The following AMHR2 variants were observed in gnomAD, a reference collection of about 807,000 sequenced individuals.
AMHR2 encodes anti-Muellerian hormone type-2 receptor.
In AMHR2, 36 loss-of-function variants were observed where a neutral mutation model predicts 61.4. The ratio of observed to expected loss-of-function variants is 0.59; its 90% CI spans 0.45 to 0.77. The LOEUF (loss-of-function observed/expected upper bound fraction) is 0.77. Among genes scored for constraint, AMHR2 ranks in the 30% least tolerant of loss-of-function variants. AMHR2 has a pLI of 0.00. For synonymous variants in AMHR2, 258 were observed against 279.4 expected (o/e 0.92, Z 0.76); for missense variants, 638 against 714.6 (o/e 0.89, Z 1.22).
At chr12:53,424,662 T>A in intron 2 of AMHR2, 47 bp from the exon 3 acceptor site, 2 of 1,592,080 alleles carry the variant, frequency 1.3e-6, no homozygotes, top group Non-Finnish European at 1.7e-6. Flanking sequence ...TGTGCTTTCT[T>A]CCTTGCCCCC....
At position 53,430,144 on chromosome 12, in the gene AMHR2, A is replaced by G; in HGVS notation, c.1289-2A>G. The G allele has an allele frequency of 6.2e-7, 1 of 1,614,134 alleles. No individual in the cohort carries two copies. The highest frequency in any genetic ancestry group is 8.5e-7 in the Non-Finnish European group (1 of 1,180,014). The stretch of plus-strand genomic sequence containing the variant: ...ATACCCAGCCCCTCTACCTTCCTCC[A>G]GACAGCAGTCCACCACCCTTCCAAC... On this transcript the variant is annotated splice_acceptor_variant, in intron 9 of 10. Transcript: ENST00000257863. LOFTEE classifies it high-confidence loss of function.
chr12:53,430,347 C>G, intron 10 of AMHR2, 65 bp downstream of exon 10: 1 of 1,611,504 alleles, frequency 6.2e-7, no homozygotes, highest in East Asian at 2.2e-5. Context: ...GCTTCAAGGA[C>G]GTCTCTGCCA....
intron 10 of AMHR2, chr12:53,430,492 C>T: frequency 5.6e-6 from 4 of 712,828 alleles, no homozygotes; most frequent in Non-Finnish European, 9.4e-6. Context: ...ATTCCATCTA[C>T]CTGAGACACA....
At chr12:53,430,347 C>T (rs558462832) in intron 10 of AMHR2, 65 bp downstream of exon 10, 106 of 1,611,384 alleles carry the variant, frequency 6.6e-5, no homozygotes, top group Non-Finnish European at 8.7e-5. Context: ...GCTTCAAGGA[C>T]GTCTCTGCCA....
Position 53,425,261 on chromosome 12 carries a change from C to G in AMHR2, c.502+19C>G, listed in dbSNP as rs769676652. ...ATCTTGGGTACTAATCCACCCCATC[C>G]CTCCCTTGTGACCCCAAGACATTGC... On this transcript the variant is annotated intron_variant, in intron 4 of 10. Transcript: ENST00000257863. 6.2e-7 allele frequency: 1 copy of G among 1,612,706 alleles called. No individual in the cohort carries two copies. The highest frequency in any genetic ancestry group is 8.5e-7 in the Non-Finnish European group (1 of 1,180,002).
chr12:53,424,847 C>T lies in AMHR2; in HGVS notation c.371C>T (p.Pro124Leu), dbSNP rs1260310470. The T allele has an allele frequency of 6.2e-7, 1 of 1,613,924 alleles. No homozygotes were observed. Among genetic ancestry groups the T allele is most frequent in the Admixed American group, 1.7e-5 (1 of 60,018 alleles). Reference protein sequence around the residue: ...DFCNANYSHLPPPGSPGTPGS... With the variant: ...DFCNANYSHLLPPGSPGTPGS... ...TGCAATGCCAATTACAGCCATCTGC[C>T]TCCTCCAGGGAGCCCTGGGACTCCT... Residue 124 changes from proline to leucine, a missense_variant, in exon 3 of 11, where the codon CCT (proline) becomes CTT (leucine). By Grantham distance (98) the Pro-to-Leu change is moderately conservative. Coordinates refer to ENST00000257863, the MANE Select transcript of AMHR2 (RefSeq NM_020547.3).
intron 9 of AMHR2, 25 bp from the exon 10 acceptor site, chr12:53,430,121 A>T: frequency 6.2e-7 from 1 of 1,614,048 alleles, no homozygotes; most frequent in Non-Finnish European, 8.5e-7. Flanking sequence ...ACTAACTGAT[A>T]CCCAGCCCCT....
In AMHR2 at chr12:53,430,267, G is replaced by T; in HGVS notation, c.1410G>T (p.Trp470Cys). ...ERRRPYIPST[W>C]RCFATDPDGL... ...GGCGTCCCTACATCCCATCCACCTG[G>T]CGCTGCTTTGCCACAGTAAGAGGCC... The change falls in exon 10 of 11, where the codon TGG (tryptophan) becomes TGT (cysteine). Residue 470 changes from tryptophan (W) to cysteine (C), a missense_variant. Coordinates refer to ENST00000257863, the MANE Select transcript of AMHR2 (RefSeq NM_020547.3). 1.9e-6 allele frequency: 3 copies of T among 1,614,182 alleles called. No homozygotes were observed. The highest frequency in any genetic ancestry group is 2.5e-6 in the Non-Finnish European group (3 of 1,180,042).
rs867966168 is a variant in AMHR2 at position 53,431,295 on chromosome 12, AC to A, written c.1548del (p.Pro518GlnfsTer70). ...GCCTTGGCCCATCCTCAAGAGAGCC[AC>A]CCCTTTCCAGAGAGCTGTCCACGTG... ...LAALAHPQESHPFPESCPRGC... is the reference protein window; with the variant it reads ...LAALAHPQESXPFPESCPRGC... On this transcript the variant is annotated frameshift_variant, in exon 11 of 11. Transcript: ENST00000257863. LOFTEE classifies it low-confidence loss of function (END_TRUNC). 6.2e-7 allele frequency: 1 copy of A among 1,614,050 alleles called. No individual in the cohort carries two copies. The highest frequency in any genetic ancestry group is 1.3e-5 in the African/African-American group (1 of 74,918).
At chr12:53,425,408 G>A (rs1202738748) in intron 4 of AMHR2, 47 bp from the exon 5 acceptor site, 3 of 1,608,912 alleles carry the variant, frequency 1.9e-6, no homozygotes, top group African/African-American at 2.7e-5. Flanking sequence ...CCCTTTTCCT[G>A]TCCCTATGCA....
intron 10 of AMHR2, 77 bp from the exon 11 acceptor site, chr12:53,431,100 A>G (rs1940062289): frequency 4.6e-6 from 7 of 1,527,778 alleles, no homozygotes; most frequent in Non-Finnish European, 5.4e-6. Flanking sequence ...AGAGTGATGG[A>G]CACTGAAGAT....
chr12:53,426,403 C>T (rs1322122417), intron 6 of AMHR2, among the ~76,000 whole-genome samples: 4 of 152,074 alleles, frequency 2.6e-5, no homozygotes, highest in Non-Finnish European at 5.9e-5. Flanking sequence ...GTGTGAGGAT[C>T]ACTTGAACCC....
chr12:53,425,107 A>T, intron 3 of AMHR2, 58 bp from the exon 4 acceptor site: 1 of 1,610,084 alleles, frequency 6.2e-7, no homozygotes, highest in Middle Eastern at 1.7e-4. Context: ...GGAGGGGAAG[A>T]GCAGAGAGCA....
At position 53,429,538 on chromosome 12, in the gene AMHR2, C is replaced by T; in HGVS notation, c.1053C>T (p.Asp351=). 3 of 1,613,826 alleles carry T rather than the reference C, an allele frequency of 1.9e-6. No homozygotes were observed. Among genetic ancestry groups the T allele is most frequent in the Non-Finnish European group, 2.5e-6 (3 of 1,179,990 alleles). ...IREDGSCAIG[D]LGLALVLPGL... ...AAGATGGATCGTGTGCCATTGGAGACCTGGGCCTTGCCTTGGTGCTCCCTG... is the reference window on the plus strand; with the variant it reads ...AAGATGGATCGTGTGCCATTGGAGATCTGGGCCTTGCCTTGGTGCTCCCTG... Residue 351 remains aspartate, a synonymous_variant, in exon 8 of 11, where the codon GAC becomes GAT. Transcript: ENST00000257863.
intron 10 of AMHR2, 50 bp from the exon 11 acceptor site, chr12:53,431,127 G>A (rs763210345): frequency 6.2e-7 from 1 of 1,605,334 alleles, no homozygotes. Context: ...TAACCCTGGG[G>A]CCCACTCAAG....
intron 6 of AMHR2, among the ~76,000 whole-genome samples, chr12:53,427,809 A>C (rs1223787468): frequency 6.6e-6 from 1 of 152,200 alleles, no homozygotes; most frequent in Non-Finnish European, 1.5e-5. Flanking sequence ...ATTTGCCCAG[A>C]ATCTATGTGA....
chr12:53,428,801 T>C, intron 6 of AMHR2, 95 bp from the exon 7 acceptor site: 2 of 854,468 alleles, frequency 2.3e-6, no homozygotes, highest in East Asian at 2.6e-5. Context: ...GCTGGGGAGA[T>C]GCAGGGAGAA....
intron 10 of AMHR2, 110 bp from the exon 11 acceptor site, chr12:53,431,067 C>T: frequency 2.2e-6 from 3 of 1,351,176 alleles, no homozygotes; most frequent in Admixed American, 3.4e-5. Flanking sequence ...CAGGAAAGAT[C>T]AGAAGTGGAT....
At position 53,431,378 on chromosome 12, in the gene AMHR2, C is replaced by T. The variant is rs1235526910; in HGVS notation, c.1627C>T (p.Pro543Ser). The T allele has an allele frequency of 1.2e-6, 2 of 1,614,238 alleles. No individual in the cohort carries two copies. Among genetic ancestry groups the T allele is most frequent in the Non-Finnish European group, 1.7e-6 (2 of 1,180,046 alleles). Residue 543 changes from proline (P) to serine (S), a missense_variant, in exon 11 of 11, where the codon CCC (proline) becomes TCC (serine). Pro to Ser is a moderately conservative substitution (Grantham distance 74). Coordinates refer to ENST00000257863, the MANE Select transcript of AMHR2 (RefSeq NM_020547.3). ...CTSIPAPTILPCRPQRSACHF... is the reference protein window; with the variant it reads ...CTSIPAPTILSCRPQRSACHF... ...TTCAATTCCTGCCCCTACCATCCTC[C>T]CCTGTAGGCCTCAGCGGAGTGCCTG...
Sources: allele counts gnomAD v4.1 joint callset (sites outside exome capture counted in the v4.1 genomes callset), GRCh38; gene constraint gnomAD v4.1.1; transcripts MANE v1.5; gene names NCBI Gene and HGNC (gene_info 2026-07-23, HGNC 2026-07-21).